TAMM41: variants seen among roughly 807,000 people sequenced by gnomAD.
The protein encoded by TAMM41 is phosphatidate cytidylyltransferase, mitochondrial.
TAMM41 carries 36 observed loss-of-function variants against 44.1 expected under a neutral mutation model. That is an observed-to-expected ratio of 0.82 (90% CI 0.63 to 1.08). The LOEUF is 1.08. Among genes scored for constraint, TAMM41 ranks in the 50% least tolerant of loss-of-function variants. The pLI is 0.00. For missense variants in TAMM41, 417 were observed against 404.3 expected, an observed-to-expected ratio of 1.03 and a Z score of -0.27; for synonymous variants, 164 against 153.1, an observed-to-expected ratio of 1.07 and a Z score of -0.53.
At chr3:11,752,500 C>A in the TAMM41 span, among the ~76,000 whole-genome samples, 1 of 151,898 alleles carries the variant, frequency 6.6e-6, no homozygotes, top group Non-Finnish European at 1.5e-5. Flanking sequence ...GTGCGTTTTA[C>A]AATCCTAGCT....
rs189982515 is a variant in TAMM41 at position 11,790,617 on chromosome 3, G to A, written c.938-36C>T. 52 of 1,561,656 alleles carry A rather than the reference G, an allele frequency of 3.3e-5. 1 individual carries two copies. In the East Asian group the frequency reaches 9.9e-4, roughly 30 times the overall value. On this transcript the variant is annotated intron_variant, in intron 7 of 7. Coordinates refer to ENST00000455809, the MANE Select transcript of TAMM41 (RefSeq NM_001284401.2). ...AAAGATGAGAAAGTAAGAAGATGGA[G>A]GCTTGTTGAGTGGATGCTCAGAGTT...
intron 7 of TAMM41, among the ~76,000 whole-genome samples, chr3:11,794,097 G>C (rs191240791): frequency 6.6e-6 from 1 of 151,836 alleles, no homozygotes; most frequent in Admixed American, 6.6e-5. Flanking sequence ...CCCTCACAGA[G>C]TCCACAATCC....
intron 6 of TAMM41, chr3:11,808,719 G>T: frequency 1.4e-6 from 1 of 733,908 alleles, no homozygotes; most frequent in Non-Finnish European, 1.7e-6. Context: ...ATAAGGTTCA[G>T]GCTCTTTTTT....
chr3:11,727,330 C>T, the TAMM41 span, among the ~76,000 whole-genome samples: 1 of 152,190 alleles, frequency 6.6e-6, no homozygotes, highest in Non-Finnish European at 1.5e-5. Flanking sequence ...ATCCAGCATC[C>T]CCTGAGAGCC....
chr3:11,799,465 C>T (rs943451584), intron 7 of TAMM41, among the ~76,000 whole-genome samples: 43 of 152,160 alleles, frequency 2.8e-4, no homozygotes, highest in African/African-American at 1.0e-3. Context: ...CAGCCCTTGG[C>T]CATAATAAAC....
At chr3:11,842,679 G>A (rs979168394) in intron 2 of TAMM41, among the ~76,000 whole-genome samples, 1 of 150,862 alleles carries the variant, frequency 6.6e-6, no homozygotes, top group South Asian at 2.1e-4. Context: ...GGGTGACAGA[G>A]CCAGACCCTG....
At chr3:11,785,744 T>C (rs2077412856), downstream of TAMM41, among the ~76,000 whole-genome samples, 1 of 152,138 alleles carries the variant, frequency 6.6e-6, no homozygotes, top group African/African-American at 2.4e-5. Context: ...GCCTCCCAAG[T>C]AGCTGGGACC....
the TAMM41 span, among the ~76,000 whole-genome samples, chr3:11,744,799 A>G: frequency 6.6e-6 from 1 of 152,148 alleles, no homozygotes. Flanking sequence ...GGCCAAGGCA[A>G]GAGGATTCCT....
At chr3:11,792,403 G>A (rs111776271) in intron 7 of TAMM41, among the ~76,000 whole-genome samples, 20 of 152,240 alleles carry the variant, frequency 1.3e-4, no homozygotes, top group African/African-American at 4.3e-4. Flanking sequence ...TGACTGGGTT[G>A]GAATAGATGA....
chr3:11,730,553 T>C, the TAMM41 span, among the ~76,000 whole-genome samples: 1 of 151,684 alleles, frequency 6.6e-6, no homozygotes, highest in Non-Finnish European at 1.5e-5. Flanking sequence ...GCCAGCATAG[T>C]GAAACCCCAT....
the TAMM41 span, among the ~76,000 whole-genome samples, chr3:11,744,652 G>A: frequency 3.8e-4 from 58 of 151,880 alleles, no homozygotes; most frequent in Non-Finnish European, 7.1e-4. Context: ...CTGAGATCCT[G>A]CCACTGCACT....
the TAMM41 span, among the ~76,000 whole-genome samples, chr3:11,738,468 A>G: frequency 2.6e-5 from 4 of 152,152 alleles, no homozygotes; most frequent in South Asian, 8.3e-4. Context: ...GTCCTATTCA[A>G]CTTTCAAATT....
chr3:11,788,088 TCA>T (rs1033203098), downstream of TAMM41, among the ~76,000 whole-genome samples: 28 of 152,170 alleles, frequency 1.8e-4, no homozygotes, highest in Non-Finnish European at 3.8e-4. Context: ...GCAATGTTAC[TCA>T]CATATGTTGG....
chr3:11,817,389 G>T, intron 4 of TAMM41, 52 bp from the exon 5 acceptor site: 2 of 1,566,458 alleles, frequency 1.3e-6, no homozygotes, highest in Non-Finnish European at 1.7e-6. Flanking sequence ...CCACACTCTC[G>T]ACCTATGAAC....
At chr3:11,737,456 G>A in the TAMM41 span, among the ~76,000 whole-genome samples, 12 of 152,004 alleles carry the variant, frequency 7.9e-5, no homozygotes, top group South Asian at 2.5e-3. Flanking sequence ...GAGTAGCTGG[G>A]ATTACAGGCA....
intron 7 of TAMM41, among the ~76,000 whole-genome samples, chr3:11,802,294 CAA>C (rs1049554133): frequency 1.3e-5 from 2 of 151,950 alleles, no homozygotes; most frequent in African/African-American, 4.8e-5. Flanking sequence ...ACTAAGAAGA[CAA>C]GAGAGATACA....
At chr3:11,725,425 TTCCTCCTCCTCCTCCTCCTCCTCCTCCTC>T in the TAMM41 span, among the ~76,000 whole-genome samples, 2 of 68,034 alleles carry the variant, frequency 2.9e-5, no homozygotes, top group Admixed American at 1.4e-4. Context: ...TTCTTCTTCT[TTCCTCCTCCTCCTCCTCCTCCTCCTCCTC>T]CTTCTTCTTC....
chr3:11,839,166 A>C, intron 3 of TAMM41, 56 bp downstream of exon 3: 1 of 1,083,208 alleles, frequency 9.2e-7, no homozygotes, highest in South Asian at 1.4e-5. Context: ...GATCAAAGTA[A>C]GGTTAGGCTC....
chr3:11,777,431 A>AT, the TAMM41 span, among the ~76,000 whole-genome samples: 1 of 152,238 alleles, frequency 6.6e-6, no homozygotes, highest in African/African-American at 2.4e-5. Flanking sequence ...AAGAAGCAGC[A>AT]TTGAAAAACT....
Sources: allele counts gnomAD v4.1 joint callset (sites outside exome capture counted in the v4.1 genomes callset), GRCh38; gene constraint gnomAD v4.1.1; transcripts MANE v1.5; gene names NCBI Gene and HGNC (gene_info 2026-07-23, HGNC 2026-07-21).